The following NF1 variants were observed in gnomAD, a reference collection of about 807,000 sequenced individuals.
The protein encoded by NF1 is neurofibromin 1, also known as neurofibromin.
A neutral mutation model predicts 325.7 loss-of-function variants in NF1; 122 were observed. That is an observed-to-expected ratio of 0.37 (90% CI 0.32 to 0.44). The LOEUF is 0.44. NF1 is among the 20% of genes least tolerant of loss of function. The pLI is 1.00. For synonymous variants in NF1, 1,091 were observed against 1,186.0 expected (o/e 0.92, Z 1.65); for missense variants, 2,140 against 3,415.4 (o/e 0.63, Z 9.31).
At chr17:31,246,757 A>G (rs1056481338) in intron 29 of NF1, among the ~76,000 whole-genome samples, 1 of 152,222 alleles carries the variant, frequency 6.6e-6, no homozygotes, top group African/African-American at 2.4e-5. Context: ...TTGATGAGAA[A>G]AAATGACACC....
chr17:31,261,940 A>G, intron 35 of NF1, 83 bp downstream of exon 35: 1 of 1,339,282 alleles, frequency 7.5e-7, no homozygotes, highest in East Asian at 2.3e-5. Flanking sequence ...GTTAGATATG[A>G]TAGAAGACTA....
intron 36 of NF1, chr17:31,294,495 T>A (rs1438537887): frequency 6.0e-6 from 1 of 167,928 alleles, no homozygotes; most frequent in Non-Finnish European, 1.3e-5. Context: ...ATTCATGGGA[T>A]GGCAGCTACG....
chr17:31,329,280 T>C (rs1055937568), intron 38 of NF1, among the ~76,000 whole-genome samples: 1 of 152,252 alleles, frequency 6.6e-6, no homozygotes, highest in Non-Finnish European at 1.5e-5. Flanking sequence ...AATTCAAAGA[T>C]CTTCATTGAA....
At chr17:31,342,497 G>A (rs772782228) in intron 47 of NF1, among the ~76,000 whole-genome samples, 107 of 152,288 alleles carry the variant, frequency 7.0e-4, no homozygotes, top group Admixed American at 1.6e-3. Context: ...GGGAGGCTGA[G>A]GTGGGAAGAT....
intron 1 of NF1, among the ~76,000 whole-genome samples, chr17:31,129,123 T>C (rs1350587347): frequency 6.6e-6 from 1 of 152,158 alleles, no homozygotes; most frequent in Non-Finnish European, 1.5e-5. Context: ...GAGATTATCT[T>C]TTTGTGAAAT....
chr17:31,354,493 A>G (rs766574465), intron 51 of NF1, among the ~76,000 whole-genome samples: 3 of 152,196 alleles, frequency 2.0e-5, no homozygotes, highest in East Asian at 1.9e-4. Context: ...ATGGTAAGAT[A>G]TTTACCCTTA....
At chr17:31,224,890 A>G (rs1041498755) in intron 16 of NF1, among the ~76,000 whole-genome samples, 2 of 152,186 alleles carry the variant, frequency 1.3e-5, no homozygotes, top group African/African-American at 4.8e-5. Context: ...GATTTAGAGA[A>G]TGGGAAACTG....
rs563966546 is a variant in NF1, at chr17:31,098,441, T to A, written c.60+3072T>A. The stretch of plus-strand genomic sequence containing the variant: ...GTGCAATGATGCGACCTTGGCTTAC[T>A]GCAACCTCTGCCTCCTGGGTTCAAG... On this transcript the variant is annotated intron_variant, in intron 1 of 57. Coordinates refer to ENST00000358273, the MANE Select transcript of NF1 (RefSeq NM_001042492.3). Among the ~76,000 whole-genome samples, 404 of 152,264 alleles carry A rather than the reference T, an allele frequency of 2.7e-3. 1 individual carries two copies. Among genetic ancestry groups the A allele is most frequent in the Middle Eastern group, 6.8e-3 (2 of 294 alleles).
intron 36 of NF1, among the ~76,000 whole-genome samples, chr17:31,268,027 AC>A (rs1348809902): frequency 6.6e-6 from 1 of 152,158 alleles, no homozygotes; most frequent in African/African-American, 2.4e-5. Context: ...CGCAGAGCCT[AC>A]CCAGATATAG....
At position 31,265,259 on chromosome 17, in the gene NF1, G is replaced by A. The variant is rs2151470090; in HGVS notation, c.4755G>A (p.Lys1585=). The change falls in exon 36 of 58, where the codon AAG becomes AAA. Residue 1585 remains lysine (K), a synonymous_variant. Coordinates refer to ENST00000358273, the MANE Select transcript of NF1 (RefSeq NM_001042492.3). ...RHQVHEKEEF[K]ALKTLSIFYQ... ...AGGTACATGAAAAAGAAGAATTCAA[G>A]GCTTTGAAAACGTTAAGTATTTTCT... 1 of 1,613,244 alleles carries A rather than the reference G, an allele frequency of 6.2e-7. No homozygotes were observed.
In NF1 at chr17:31,181,748, T is replaced by C. The variant is rs876660028; in HGVS notation, c.693T>C (p.Phe231=). 6.2e-7 allele frequency: 1 copy of C among 1,609,696 alleles called. No individual in the cohort carries two copies. Among genetic ancestry groups the C allele is most frequent in the Non-Finnish European group, 8.5e-7 (1 of 1,176,296 alleles). The change falls in exon 7 of 58, where the codon TTT becomes TTC. Residue 231 remains phenylalanine (F), a synonymous_variant. Transcript: ENST00000358273. ...GGGTAGAAAATTATCCAGATGAATT[T>C]ACAAAACTGTACCAGATCCCACAGA... ...WNWVENYPDE[F]TKLYQIPQTD...
At chr17:31,283,244 C>T (rs976924658) in intron 36 of NF1, among the ~76,000 whole-genome samples, 5 of 151,894 alleles carry the variant, frequency 3.3e-5, no homozygotes, top group Non-Finnish European at 7.4e-5. Flanking sequence ...AGTGAAATCC[C>T]GTCTCTACTA....
At chr17:31,317,403 A>ACACCCC (rs571315603) in intron 36 of NF1, among the ~76,000 whole-genome samples, 62 of 147,286 alleles carry the variant, frequency 4.2e-4, no homozygotes, top group African/African-American at 1.6e-3. Flanking sequence ...ACACACACAC[A>ACACCCC]CCCCTAATAA....
At chr17:31,204,205 G>A (rs540826336) in intron 11 of NF1, among the ~76,000 whole-genome samples, 48 of 152,106 alleles carry the variant, frequency 3.2e-4, no homozygotes, top group African/African-American at 1.1e-3. Flanking sequence ...GCTATAGCTG[G>A]TATATTACTT....
chr17:31,248,658 C>T (rs563484081), intron 29 of NF1, among the ~76,000 whole-genome samples: 13 of 152,210 alleles, frequency 8.5e-5, no homozygotes, highest in African/African-American at 3.1e-4. Flanking sequence ...CCTCAGCCTC[C>T]TGAGTAGCTG....
chr17:31,367,292 T>C (rs2070543711), intron 57 of NF1: 1 of 1,307,082 alleles, frequency 7.7e-7, no homozygotes, highest in East Asian at 5.2e-5. Context: ...CTCTTTATTT[T>C]CATCATCTTT....
chr17:31,303,433 A>G (rs564852121), intron 36 of NF1, among the ~76,000 whole-genome samples: 6 of 152,340 alleles, frequency 3.9e-5, no homozygotes, highest in Admixed American at 1.3e-4. Flanking sequence ...ATCAGAAAGT[A>G]TAAGTTTAGT....
At chr17:31,320,295 C>A in intron 36 of NF1, 2 of 1,201,152 alleles carry the variant, frequency 1.7e-6, no homozygotes, top group Non-Finnish European at 2.3e-6. Context: ...AAGAACCCTA[C>A]GTATGCTATA....
chr17:31,371,696 G>A (rs1180340827), intron 57 of NF1, among the ~76,000 whole-genome samples: 1 of 152,190 alleles, frequency 6.6e-6, no homozygotes, highest in Non-Finnish European at 1.5e-5. Flanking sequence ...TTTTAAAAAA[G>A]ATTTGAATAG....
Sources: gnomAD v4.1 joint callset for allele counts (sites outside exome capture counted in the v4.1 genomes callset) on GRCh38, gnomAD v4.1.1 for gene constraint, MANE v1.5 for transcripts, NCBI Gene and HGNC (gene_info 2026-07-23, HGNC 2026-07-21) for gene names.